TNS1: variants seen among roughly 807,000 people sequenced by gnomAD.
TNS1 encodes tensin-1.
In TNS1, 62 loss-of-function variants were observed where a neutral mutation model predicts 168.6. The observed-to-expected ratio is 0.37, with a 90% CI of 0.30 to 0.45. TNS1 has a LOEUF of 0.45. Among genes scored for constraint, TNS1 ranks in the 20% least tolerant of loss-of-function variants. TNS1 has a pLI of 1.00. For missense variants in TNS1, 2,240 were observed against 2,339.4 expected, an observed-to-expected ratio of 0.96 and a Z score of 0.88; for synonymous variants, 934 against 933.2, an observed-to-expected ratio of 1.00 and a Z score of -0.02.
chr2:217,983,290 A>T (rs1958102115), intron 2 of TNS1, among the ~76,000 whole-genome samples: 1 of 152,174 alleles, frequency 6.6e-6, no homozygotes, highest in African/African-American at 2.4e-5. Flanking sequence ...TGAGCAGATC[A>T]TGGCCTCCCA....
chr2:217,912,366 G>A (rs1346970665), intron 4 of TNS1, among the ~76,000 whole-genome samples: 5 of 152,242 alleles, frequency 3.3e-5, no homozygotes, highest in South Asian at 2.1e-4. Flanking sequence ...CATTCCGTCC[G>A]GAAATTCCTT....
At chr2:217,951,554 A>C (rs780023718) in intron 3 of TNS1, among the ~76,000 whole-genome samples, 7 of 152,182 alleles carry the variant, frequency 4.6e-5, no homozygotes, top group Non-Finnish European at 1.0e-4. Flanking sequence ...AGCTGCAGCA[A>C]GCCGGCAGGG....
chr2:217,900,824 A>G (rs999800603), intron 6 of TNS1, among the ~76,000 whole-genome samples: 1 of 152,162 alleles, frequency 6.6e-6, no homozygotes, highest in Non-Finnish European at 1.5e-5. Flanking sequence ...TACTGAATCA[A>G]TGGAAACACA....
chr2:217,879,071 C>G (rs1006750366), intron 18 of TNS1, among the ~76,000 whole-genome samples: 1 of 152,164 alleles, frequency 6.6e-6, no homozygotes, highest in African/African-American at 2.4e-5. Flanking sequence ...GGGGGAGCCG[C>G]TCTCGGCTCT....
At chr2:217,947,682 CA>C (rs1415412680) in intron 3 of TNS1, among the ~76,000 whole-genome samples, 1 of 152,104 alleles carries the variant, frequency 6.6e-6, no homozygotes, top group Non-Finnish European at 1.5e-5. Flanking sequence ...CACAGAGAAG[CA>C]GAGAAGAAAG....
chr2:217,839,176 T>C (rs577152451), intron 19 of TNS1, among the ~76,000 whole-genome samples: 21 of 152,152 alleles, frequency 1.4e-4, no homozygotes, highest in Admixed American at 4.6e-4. Context: ...GGCCAGCCCC[T>C]ACCCCAGCAG....
At chr2:217,973,302 G>T (rs1258072547) in intron 3 of TNS1, among the ~76,000 whole-genome samples, 1 of 150,544 alleles carries the variant, frequency 6.6e-6, no homozygotes, top group Non-Finnish European at 1.5e-5. Flanking sequence ...TGAAACTGAG[G>T]CTGCAGTGAA....
rs149700326 is a variant in TNS1 at position 217,927,229 on chromosome 2, T to G, written c.187-6993A>C. 9.4e-4 allele frequency among the ~76,000 whole-genome samples: 143 copies of G among 152,202 alleles called. 2 individuals are homozygous for G. The highest frequency in any genetic ancestry group is 3.2e-3 in the African/African-American group (132 of 41,520). ...GTAGGAATTACACATTAAAAAGGCATGGAGGTGGGAATGCTTGGCGTGTTG... is the reference window on the plus strand; with the variant it reads ...GTAGGAATTACACATTAAAAAGGCAGGGAGGTGGGAATGCTTGGCGTGTTG... On this transcript the variant is annotated intron_variant, in intron 3 of 32. Transcript: ENST00000682258.
intron 21 of TNS1, among the ~76,000 whole-genome samples, chr2:217,832,334 C>T (rs1267057320): frequency 1.3e-5 from 2 of 152,162 alleles, no homozygotes; most frequent in Non-Finnish European, 2.9e-5. Context: ...GGGCTGCTGG[C>T]TTTTTCCCAT....
rs1958330562 is a variant in TNS1 at position 217,990,348 on chromosome 2, G to A, written c.148+594C>T. The stretch of plus-strand genomic sequence containing the variant: ...GACCTCCACATGCCACCACACACCA[G>A]CCACACACCCTCAACACACATCATC... On this transcript the variant is annotated intron_variant, in intron 2 of 32. Coordinates refer to ENST00000682258, the MANE Select transcript of TNS1 (RefSeq NM_001387777.1). Among the ~76,000 whole-genome samples the A allele has an allele frequency of 2.3e-5, 3 of 132,774 alleles. No homozygotes were observed. The South Asian group carries it at 7.8e-4, about 34-fold the overall frequency. The allele number at this position is 132,774 out of a possible 152,430, so 87.1% of individuals were successfully genotyped here.
chr2:217,980,535 A>AGAGAGAGAGAGAGAGAGAGAGAGAGAGG (rs1559398475), intron 2 of TNS1, among the ~76,000 whole-genome samples: 3 of 149,248 alleles, frequency 2.0e-5, no homozygotes, highest in African/African-American at 7.6e-5. Flanking sequence ...AGAGAGAGAG[A>AGAGAGAGAGAGAGAGAGAGAGAGAGAGG]GAGAGAGAGA....
Position 217,835,922 on chromosome 2 carries a change from T to C in TNS1, c.3204+93A>G, listed in dbSNP as rs560161903. ...GGGGGAGACAAATCACTGAGTATACTGATATCAGTGCCAAGTTGACCATCA... is the reference window on the plus strand; with the variant it reads ...GGGGGAGACAAATCACTGAGTATACCGATATCAGTGCCAAGTTGACCATCA... On this transcript the variant is annotated intron_variant, in intron 20 of 32. Coordinates refer to ENST00000682258, the MANE Select transcript of TNS1 (RefSeq NM_001387777.1). 6.2e-6 allele frequency: 7 copies of C among 1,138,212 alleles called. No homozygotes were observed. In the African/African-American group the frequency reaches 7.7e-5, roughly 13 times the overall value. The allele number at this position is 1,138,212 out of a possible 1,614,324, so 70.5% of individuals were successfully genotyped here.
chr2:217,952,255 T>C (rs761346742), intron 3 of TNS1, among the ~76,000 whole-genome samples: 2 of 152,232 alleles, frequency 1.3e-5, no homozygotes, highest in Non-Finnish European at 2.9e-5. Context: ...TGGGAGTAGA[T>C]GTTATTCTAA....
chr2:217,915,809 C>T (rs1954945829), intron 4 of TNS1, among the ~76,000 whole-genome samples: 1 of 152,234 alleles, frequency 6.6e-6, no homozygotes, highest in Non-Finnish European at 1.5e-5. Context: ...GCTCCATGTA[C>T]AGTTTGTTCC....
chr2:218,030,734 A>G (rs1958884924), intron 1 of TNS1, among the ~76,000 whole-genome samples: 2 of 152,218 alleles, frequency 1.3e-5, no homozygotes, highest in African/African-American at 4.8e-5. Context: ...CACACTGAGG[A>G]CGCCCCCTCT....
chr2:217,859,637 T>C lies in TNS1; in HGVS notation c.1430-10550A>G, dbSNP rs927105154. 9.1e-6 allele frequency: 14 copies of C among 1,536,256 alleles called. No homozygotes were observed. The African/African-American group carries it at 1.5e-4, about 17-fold the overall frequency. Reference sequence around the variant, plus strand: ...GCCAGTGTGTGTCTGGCCAGGTATATTGATCCTCCAGGCCACCTGAGATGC... The same window carrying C: ...GCCAGTGTGTGTCTGGCCAGGTATACTGATCCTCCAGGCCACCTGAGATGC... On this transcript the variant is annotated intron_variant, in intron 18 of 32. Transcript: ENST00000682258.
intron 19 of TNS1, among the ~76,000 whole-genome samples, chr2:217,846,509 C>T (rs1008073373): frequency 3.3e-5 from 5 of 152,168 alleles, no homozygotes; most frequent in East Asian, 1.9e-4. Context: ...CTCTCCTCCT[C>T]GCTGAGCTCC....
chr2:217,960,113 C>T, intron 3 of TNS1, among the ~76,000 whole-genome samples: 1 of 152,104 alleles, frequency 6.6e-6, no homozygotes, highest in African/African-American at 2.4e-5. Context: ...GAGACTCCAC[C>T]AGTCCCTCCA....
intron 12 of TNS1, among the ~76,000 whole-genome samples, chr2:217,890,114 C>T (rs1017879736): frequency 6.6e-6 from 1 of 152,182 alleles, no homozygotes; most frequent in Non-Finnish European, 1.5e-5. Flanking sequence ...CTCGGCTCAG[C>T]TTCTAATCTG....
Sources: allele counts gnomAD v4.1 joint callset (sites outside exome capture counted in the v4.1 genomes callset), GRCh38; gene constraint gnomAD v4.1.1; transcripts MANE v1.5; gene names NCBI Gene and HGNC (gene_info 2026-07-23, HGNC 2026-07-21).